Variants in MAP2 observed in about 807,000 individuals in gnomAD.
MAP2 encodes the protein microtubule-associated protein 2.
Under a neutral mutation model 137.6 loss-of-function variants are expected in MAP2, and 14 were observed. The ratio of observed to expected loss-of-function variants is 0.10; its 90% CI spans 0.07 to 0.16. The LOEUF is 0.16. MAP2 is among the 10% of genes least tolerant of loss of function. The pLI, the probability that MAP2 is intolerant of heterozygous loss-of-function variation, is 1.00. For synonymous variants in MAP2, 786 were observed against 782.3 expected (o/e 1.00, Z -0.08); for missense variants, 2,088 against 2,191.5 (o/e 0.95, Z 0.94).
chr2:209,560,534 C>G (rs1485847964), intron 2 of MAP2, among the ~76,000 whole-genome samples: 2 of 148,152 alleles, frequency 1.3e-5, no homozygotes, highest in East Asian at 4.0e-4. Flanking sequence ...GGGTGGAGTG[C>G]AGTGGTGTGC....
chr2:209,616,352 A>T (rs1055809973), intron 3 of MAP2, among the ~76,000 whole-genome samples: 15 of 152,236 alleles, frequency 9.9e-5, no homozygotes, highest in Non-Finnish European at 1.5e-5. Context: ...CACAGCCAGT[A>T]AGTGTTCAAG....
chr2:209,704,141 T>C, intron 11 of MAP2: 1 of 428,666 alleles, frequency 2.3e-6, no homozygotes, highest in South Asian at 1.8e-5. Context: ...GAGTCACCAG[T>C]GTCTATTGTT....
At position 209,695,805 on chromosome 2, in the gene MAP2, T is replaced by C; in HGVS notation, c.3635T>C (p.Ile1212Thr). 1 of 1,614,058 alleles carries C rather than the reference T, an allele frequency of 6.2e-7. No individual in the cohort carries two copies. Among genetic ancestry groups the C allele is most frequent in the Middle Eastern group, 1.6e-4 (1 of 6,062 alleles). Residue 1212 changes from isoleucine to threonine, a missense_variant, in exon 8 of 16, where the codon ATC becomes ACC. Physicochemically the swap from Ile to Thr is moderately conservative, Grantham distance 89. Around this residue, in one of 6 missense-constraint regions of MAP2, gnomAD observed 591 missense variants for 642.6 expected, o/e 0.92. Coordinates refer to ENST00000682079, the MANE Select transcript of MAP2 (RefSeq NM_001375505.1). ...AGCAAAGAGACCCCAGATATATCCATCACGCCTTCTGATGTTGCAGAGCCA... is the reference window on the plus strand; with the variant it reads ...AGCAAAGAGACCCCAGATATATCCACCACGCCTTCTGATGTTGCAGAGCCA... The part of the protein sequence containing the change: ...EESKETPDIS[I>T]TPSDVAEPLH...
At chr2:209,497,080 C>G (rs2059836864) in intron 1 of MAP2, among the ~76,000 whole-genome samples, 1 of 152,154 alleles carries the variant, frequency 6.6e-6, no homozygotes, top group African/African-American at 2.4e-5. Flanking sequence ...CCATGACTGG[C>G]TTTAATCCCT....
At chr2:209,701,539 CA>C (rs1202074900) in intron 11 of MAP2, among the ~76,000 whole-genome samples, 1 of 151,912 alleles carries the variant, frequency 6.6e-6, no homozygotes, top group Admixed American at 6.6e-5. Flanking sequence ...ACTGAGCAAA[CA>C]CATGTAATAT....
chr2:209,598,745 A>C (rs1302037497), intron 3 of MAP2, among the ~76,000 whole-genome samples: 1 of 150,702 alleles, frequency 6.6e-6, no homozygotes, highest in Non-Finnish European at 1.5e-5. Flanking sequence ...ATGATTTCCA[A>C]TTTCATCCAT....
intron 1 of MAP2, among the ~76,000 whole-genome samples, chr2:209,506,505 G>A (rs1416586340): frequency 3.3e-5 from 5 of 152,094 alleles, no homozygotes; most frequent in Non-Finnish European, 5.9e-5. Context: ...TTTTTAATTA[G>A]AGACTGCCAT....
chr2:209,611,782 A>G (rs973323047), intron 3 of MAP2, among the ~76,000 whole-genome samples: 2 of 152,080 alleles, frequency 1.3e-5, no homozygotes, highest in African/African-American at 4.8e-5. Flanking sequence ...ACCAAGCACA[A>G]CTGTCTGACA....
intron 1 of MAP2, among the ~76,000 whole-genome samples, chr2:209,435,596 A>G (rs1339619591): frequency 6.6e-6 from 1 of 151,736 alleles, no homozygotes; most frequent in Non-Finnish European, 1.5e-5. Flanking sequence ...GGCATCAGTG[A>G]AGGATTTTTG....
At chr2:209,502,212 A>G (rs2060464815) in intron 1 of MAP2, among the ~76,000 whole-genome samples, 1 of 152,118 alleles carries the variant, frequency 6.6e-6, no homozygotes, top group Non-Finnish European at 1.5e-5. Flanking sequence ...ATCCTGTATA[A>G]TTGTGACCTT....
chr2:209,478,916 G>T (rs899035758), intron 1 of MAP2, among the ~76,000 whole-genome samples: 9 of 152,116 alleles, frequency 5.9e-5, no homozygotes, highest in Middle Eastern at 3.4e-3. Context: ...ATTCTTCCAG[G>T]GTTTGAAACA....
chr2:209,621,182 A>G (rs1210199685), intron 3 of MAP2, among the ~76,000 whole-genome samples: 1 of 150,778 alleles, frequency 6.6e-6, no homozygotes, highest in Non-Finnish European at 1.5e-5. Flanking sequence ...CAGCCTGGGC[A>G]ACAAGGGTGA....
chr2:209,653,109 C>G, intron 4 of MAP2, 33 bp from the exon 5 acceptor site: 7 of 1,491,828 alleles, frequency 4.7e-6, no homozygotes, highest in Non-Finnish European at 5.4e-6. Context: ...GAAGATTTCC[C>G]CAAAGTAATA....
chr2:209,466,562 T>C (rs1704168009), intron 1 of MAP2, among the ~76,000 whole-genome samples: 1 of 152,194 alleles, frequency 6.6e-6, no homozygotes, highest in South Asian at 2.1e-4. Flanking sequence ...CATAATCATA[T>C]CATGGCAATA....
At chr2:209,462,886 A>G (rs1304446869) in intron 1 of MAP2, among the ~76,000 whole-genome samples, 3 of 152,184 alleles carry the variant, frequency 2.0e-5, no homozygotes, top group Non-Finnish European at 4.4e-5. Flanking sequence ...TAATCTTATA[A>G]TAGAGGCTTT....
At chr2:209,638,579 A>G (rs1467518697) in intron 4 of MAP2, among the ~76,000 whole-genome samples, 1 of 152,148 alleles carries the variant, frequency 6.6e-6, no homozygotes, top group African/African-American at 2.4e-5. Context: ...AGTATTTAAC[A>G]TAATTAACTA....
intron 3 of MAP2, among the ~76,000 whole-genome samples, chr2:209,586,436 C>A (rs1353924189): frequency 9.2e-5 from 14 of 152,094 alleles, no homozygotes; most frequent in Non-Finnish European, 1.8e-4. Context: ...AGAAACCTTG[C>A]ATATCTCATC....
chr2:209,660,143 A>G (rs760921329), intron 5 of MAP2, among the ~76,000 whole-genome samples: 15 of 152,182 alleles, frequency 9.9e-5, no homozygotes, highest in Middle Eastern at 3.4e-3. Context: ...ATTCCTCACT[A>G]TAATCCCCAC....
chr2:209,517,784 G>A (rs2062720848), intron 2 of MAP2, among the ~76,000 whole-genome samples: 1 of 151,924 alleles, frequency 6.6e-6, no homozygotes, highest in East Asian at 1.9e-4. Flanking sequence ...GGAAGCAGAT[G>A]GGGGAAGAAG....
Sources: allele counts gnomAD v4.1 joint callset (sites outside exome capture counted in the v4.1 genomes callset), GRCh38; gene constraint gnomAD v4.1.1; regional missense constraint gnomAD v4.1.1; transcripts MANE v1.5; gene names NCBI Gene and HGNC (gene_info 2026-07-23, HGNC 2026-07-21).